CXADR: variants seen among roughly 807,000 people sequenced by gnomAD.
The protein encoded by CXADR is coxsackievirus and adenovirus receptor.
CXADR carries 20 observed loss-of-function variants against 40.3 expected under a neutral mutation model. The ratio of observed to expected loss-of-function variants is 0.50; its 90% CI spans 0.35 to 0.72. The LOEUF (loss-of-function observed/expected upper bound fraction) is 0.72. Among genes scored for constraint, CXADR ranks in the 30% least tolerant of loss-of-function variants. The probability of loss-of-function intolerance (pLI) is 0.01; values close to 1 mark genes in which losing one functional copy is unlikely to be tolerated. For synonymous variants in CXADR, 150 were observed against 161.3 expected (o/e 0.93, Z 0.53); for missense variants, 332 against 449.1 (o/e 0.74, Z 2.36).
intron 1 of CXADR, among the ~76,000 whole-genome samples, chr21:17,514,707 C>G (rs1363588749): frequency 6.6e-6 from 1 of 151,336 alleles, no homozygotes; most frequent in Non-Finnish European, 1.5e-5. Context: ...GATCTTGGCT[C>G]ACCACAACCT....
chr21:17,593,513 A>G (rs867155561), exon 8 of CXADR: 1 of 194,104 alleles, frequency 5.2e-6, no homozygotes, highest in East Asian at 1.2e-4. Context: ...TTTTAGGAAA[A>G]GTATGGTTAA....
chr21:17,623,277 A>G, the CXADR span, among the ~76,000 whole-genome samples: 2 of 152,088 alleles, frequency 1.3e-5, no homozygotes, highest in Non-Finnish European at 2.9e-5. Context: ...GTATTTATTT[A>G]TTCTGGACCC....
At chr21:17,528,221 C>A (rs1317632717) in intron 1 of CXADR, among the ~76,000 whole-genome samples, 2 of 150,660 alleles carry the variant, frequency 1.3e-5, no homozygotes, top group Admixed American at 6.6e-5. Flanking sequence ...CTACAGGTGC[C>A]TGCCACCTCA....
chr21:17,586,842 CTCG>C (rs2061400571), intron 7 of CXADR, among the ~76,000 whole-genome samples: 1 of 152,186 alleles, frequency 6.6e-6, no homozygotes, highest in Admixed American at 6.5e-5. Context: ...CACTCATTAA[CTCG>C]TCATTTAACA....
intron 7 of CXADR, among the ~76,000 whole-genome samples, chr21:17,591,006 ATACTT>A (rs1200548280): frequency 6.6e-6 from 1 of 152,066 alleles, no homozygotes; most frequent in African/African-American, 2.4e-5. Flanking sequence ...TAATCAATAG[ATACTT>A]TAATGTCTTA....
intron 1 of CXADR, among the ~76,000 whole-genome samples, chr21:17,541,026 C>A (rs146563467): frequency 2.6e-5 from 4 of 151,992 alleles, no homozygotes; most frequent in Non-Finnish European, 5.9e-5. Context: ...GTACAGAGTT[C>A]CCCTGTACCC....
the CXADR span, among the ~76,000 whole-genome samples, chr21:17,603,912 G>C: frequency 6.6e-6 from 1 of 152,122 alleles, no homozygotes; most frequent in Non-Finnish European, 1.5e-5. Context: ...AATGTAATTT[G>C]CTTACTTTTC....
rs375756154 is a variant in CXADR at position 17,529,970 on chromosome 21, A to G, written c.43+16798A>G. Among the ~76,000 whole-genome samples, 33 of 149,432 alleles carry G rather than the reference A, an allele frequency of 2.2e-4. 1 individual carries two copies. In the South Asian group the frequency reaches 3.0e-3, roughly 14 times the overall value. ...TTTTCTTTTTTTTTTTTAATTTGAG[A>G]TGGAGTCTCGCTCTGTTGCTCATGC... On this transcript the variant is annotated intron_variant, in intron 1 of 6. Transcript: ENST00000284878.
At chr21:17,581,236 G>A (rs2061357871) in intron 7 of CXADR, among the ~76,000 whole-genome samples, 2 of 151,826 alleles carry the variant, frequency 1.3e-5, no homozygotes, top group South Asian at 4.2e-4. Flanking sequence ...CCATCCTTTT[G>A]GTATAACAAG....
intron 3 of CXADR, among the ~76,000 whole-genome samples, chr21:17,552,925 T>C (rs1300486357): frequency 1.3e-5 from 2 of 152,146 alleles, no homozygotes; most frequent in Non-Finnish European, 2.9e-5. Flanking sequence ...TAATTTAATT[T>C]AATATTATTT....
At chr21:17,587,248 A>G (rs1161274227) in intron 7 of CXADR, among the ~76,000 whole-genome samples, 2 of 152,178 alleles carry the variant, frequency 1.3e-5, no homozygotes, top group African/African-American at 4.8e-5. Flanking sequence ...CTTTGGGTAT[A>G]TACCCAGTAA....
At chr21:17,561,503 G>A (rs759787298) in intron 6 of CXADR, 27 bp downstream of exon 6, 1 of 1,582,000 alleles carries the variant, frequency 6.3e-7, no homozygotes, top group African/African-American at 1.4e-5. Context: ...GGAGTTGACT[G>A]ATGTATACCA....
At chr21:17,572,070 A>G (rs2061281482), downstream of CXADR, among the ~76,000 whole-genome samples, 1 of 152,100 alleles carries the variant, frequency 6.6e-6, no homozygotes, top group Non-Finnish European at 1.5e-5. Flanking sequence ...CTCTTCAAAA[A>G]GGCAGTATTG....
At chr21:17,622,967 T>G in the CXADR span, among the ~76,000 whole-genome samples, 1 of 152,212 alleles carries the variant, frequency 6.6e-6, no homozygotes, top group African/African-American at 2.4e-5. Context: ...ATAATCTGTT[T>G]AATTTGGAAT....
At chr21:17,616,313 G>A in the CXADR span, among the ~76,000 whole-genome samples, 4 of 149,230 alleles carry the variant, frequency 2.7e-5, no homozygotes, top group African/African-American at 9.8e-5. Context: ...CACTTGTCAA[G>A]TTTGAATCTG....
chr21:17,517,745 G>A (rs1316166464), intron 1 of CXADR, among the ~76,000 whole-genome samples: 1 of 152,142 alleles, frequency 6.6e-6, no homozygotes, highest in African/African-American at 2.4e-5. Context: ...TTAGGCACTC[G>A]CTTAACTCTA....
chr21:17,621,757 C>T, the CXADR span, among the ~76,000 whole-genome samples: 1 of 152,190 alleles, frequency 6.6e-6, no homozygotes, highest in South Asian at 2.1e-4. Flanking sequence ...GCAACTTGAT[C>T]TTGGCCTTCC....
intron 2 of CXADR, among the ~76,000 whole-genome samples, chr21:17,547,762 AT>A (rs35567441): frequency 1.3e-5 from 2 of 151,744 alleles, no homozygotes; most frequent in African/African-American, 2.4e-5. Context: ...TTTTAAATTT[AT>A]TTTTTTTACT....
At chr21:17,597,542 G>C (rs1413232697), downstream of CXADR, among the ~76,000 whole-genome samples, 1 of 151,914 alleles carries the variant, frequency 6.6e-6, no homozygotes, top group Non-Finnish European at 1.5e-5. Flanking sequence ...GAAATGCATA[G>C]GGACTGGTGG....
Sources: allele counts gnomAD v4.1 joint callset (sites outside exome capture counted in the v4.1 genomes callset), GRCh38; gene constraint gnomAD v4.1.1; transcripts MANE v1.5; gene names NCBI Gene and HGNC (gene_info 2026-07-23, HGNC 2026-07-21).